The following SLCO4C1 variants were observed in gnomAD, a reference collection of about 807,000 sequenced individuals.
The protein encoded by SLCO4C1 is solute carrier organic anion transporter family member 4C1.
SLCO4C1 carries 58 observed loss-of-function variants against 72.1 expected under a neutral mutation model. The ratio of observed to expected loss-of-function variants is 0.80; its 90% CI spans 0.65 to 1.00. SLCO4C1 has a LOEUF of 1.00. Among genes scored for constraint, SLCO4C1 ranks in the 50% least tolerant of loss-of-function variants. The pLI is 0.00. For missense variants in SLCO4C1, 898 were observed against 857.9 expected, an observed-to-expected ratio of 1.05 and a Z score of -0.58; for synonymous variants, 297 against 312.5, an observed-to-expected ratio of 0.95 and a Z score of 0.52.
chr5:102,282,965 C>G (rs897697555), intron 2 of SLCO4C1, among the ~76,000 whole-genome samples: 1 of 151,730 alleles, frequency 6.6e-6, no homozygotes, highest in East Asian at 1.9e-4. Context: ...TGTTCAAAGT[C>G]AAAAAATTCA....
At chr5:102,282,247 T>C (rs1749371760) in intron 2 of SLCO4C1, among the ~76,000 whole-genome samples, 1 of 152,066 alleles carries the variant, frequency 6.6e-6, no homozygotes, top group African/African-American at 2.4e-5. Flanking sequence ...ACTTTTTATA[T>C]GTAAAAATTC....
At chr5:102,265,257 GTTTTA>G (rs1749015005) in intron 3 of SLCO4C1, among the ~76,000 whole-genome samples, 1 of 152,048 alleles carries the variant, frequency 6.6e-6, no homozygotes, top group Non-Finnish European at 1.5e-5. Flanking sequence ...AATTCCTCCT[GTTTTA>G]TAGGTTGTCT....
At chr5:102,243,502 G>GGA (rs1748584133) in intron 10 of SLCO4C1, among the ~76,000 whole-genome samples, 1 of 152,142 alleles carries the variant, frequency 6.6e-6, no homozygotes, top group African/African-American at 2.4e-5. Flanking sequence ...CAGAACAGAG[G>GGA]GAGAGAGACT....
chr5:102,249,849 G>C, intron 8 of SLCO4C1, 61 bp from the exon 9 acceptor site: 1 of 1,538,930 alleles, frequency 6.5e-7, no homozygotes, highest in Non-Finnish European at 8.9e-7. Context: ...TAACAATTTC[G>C]AAGCACTGTT....
In SLCO4C1 at chr5:102,249,806, A is replaced by G. The variant is rs759230934; in HGVS notation, c.1470-18T>C. On this transcript the variant is annotated intron_variant, in intron 8 of 12. Transcript: ENST00000310954. Reference sequence around the variant, plus strand: ...CTCCAGTCCTGTAAATAAGAAATGAAAGAAGGGTAAATGATCTGTCATAAC... The same window carrying G: ...CTCCAGTCCTGTAAATAAGAAATGAGAGAAGGGTAAATGATCTGTCATAAC... The G allele has an allele frequency of 1.2e-6, 2 of 1,609,626 alleles. No homozygotes were observed. Among genetic ancestry groups the G allele is most frequent in the Non-Finnish European group, 8.5e-7 (1 of 1,178,680 alleles).
Position 102,296,098 on chromosome 5 carries a change from G to A in SLCO4C1, c.165C>T (p.Pro55=). ...GCAGAGATGGCTCTGGTGACTTCTG[G>A]GGCTCCTGGGGCTTCTGAAGCTCCT... ...QPQELQKPQE[P]QKSPEPSLPS... Residue 55 remains proline, a synonymous_variant, in exon 1 of 13, where the codon CCC becomes CCT. Transcript: ENST00000310954. 1 of 1,614,068 alleles carries A rather than the reference G, an allele frequency of 6.2e-7. No homozygotes were observed. The highest frequency in any genetic ancestry group is 1.1e-5 in the South Asian group (1 of 91,078).
At chr5:102,278,588 A>G (rs1031104457) in intron 2 of SLCO4C1, among the ~76,000 whole-genome samples, 14 of 152,174 alleles carry the variant, frequency 9.2e-5, no homozygotes, top group African/African-American at 2.9e-4. Context: ...ATCCTGCGCC[A>G]TAGAGTAAAC....
rs922616036 is a variant in SLCO4C1 at position 102,258,312 on chromosome 5, A to G, written c.1129-225T>C. Among the ~76,000 whole-genome samples the G allele has an allele frequency of 3.9e-5, 6 of 152,304 alleles. No individual in the cohort carries two copies. The East Asian group carries it at 1.2e-3, about 29-fold the overall frequency. On this transcript the variant is annotated intron_variant, in intron 6 of 12. Transcript: ENST00000310954. ...TAGAAAATTGATAGATAATTCCTCAACATGGTGGTTATGCATTTATTGCAT... is the reference window on the plus strand; with the variant it reads ...TAGAAAATTGATAGATAATTCCTCAGCATGGTGGTTATGCATTTATTGCAT...
At chr5:102,272,710 C>T (rs951059076) in intron 2 of SLCO4C1, among the ~76,000 whole-genome samples, 3 of 152,072 alleles carry the variant, frequency 2.0e-5, no homozygotes, top group Non-Finnish European at 2.9e-5. Context: ...AATTCCAGTA[C>T]TTTGGAAGGA....
intron 3 of SLCO4C1, among the ~76,000 whole-genome samples, chr5:102,269,688 T>C (rs940643249): frequency 2.0e-5 from 3 of 152,152 alleles, no homozygotes; most frequent in African/African-American, 7.2e-5. Context: ...ATTTCACAGA[T>C]TTTTATTTTA....
rs35918245 is a variant in SLCO4C1, at chr5:102,236,581, CGT to C, written c.*275_*276del. 87,218 of 257,108 alleles carry C rather than the reference CGT, an allele frequency of 0.34. 9,978 individuals are homozygous for C. Among genetic ancestry groups the C allele is most frequent in the Non-Finnish European group, 0.39 (53,172 of 137,500 alleles). The allele number at this position is 257,108 out of a possible 1,614,324, so 15.9% of individuals were successfully genotyped here. A position where few individuals can be genotyped will look rare whatever the true frequency, so the allele number is the denominator to read the frequency against. On this transcript the variant is annotated 3_prime_UTR_variant, in exon 13 of 13. Transcript: ENST00000310954. The stretch of plus-strand genomic sequence containing the variant: ...AATAGGAAATAAGTGTGTATGTGTG[CGT>C]GTGTGTGTGTGTGTGTGTGTTCGTG...
chr5:102,253,536 G>A (rs1331357414), intron 8 of SLCO4C1, among the ~76,000 whole-genome samples: 1 of 152,104 alleles, frequency 6.6e-6, no homozygotes. Flanking sequence ...GCCAGGCACA[G>A]TGGCTCGCAC....
In SLCO4C1 at chr5:102,257,132, T is replaced by C; in HGVS notation, c.1452A>G (p.Val484=). Residue 484 remains valine, a synonymous_variant, in exon 8 of 13, where the codon GTA becomes GTG. Coordinates refer to ENST00000310954, the MANE Select transcript of SLCO4C1 (RefSeq NM_180991.5). ...GTATTTACCCATTATATGATTCAGATACACCAGCAAATGGCTCATTTTCAC... is the reference window on the plus strand; with the variant it reads ...GTATTTACCCATTATATGATTCAGACACACCAGCAAATGGCTCATTTTCAC... ...AKCENEPFAG[V]SESYNGTGEL... The C allele has an allele frequency of 6.3e-7, 1 of 1,591,188 alleles. No homozygotes were observed. Among genetic ancestry groups the C allele is most frequent in the Non-Finnish European group, 8.5e-7 (1 of 1,170,986 alleles).
At chr5:102,294,119 G>A (rs559952321) in intron 1 of SLCO4C1, among the ~76,000 whole-genome samples, 1 of 152,168 alleles carries the variant, frequency 6.6e-6, no homozygotes, top group Non-Finnish European at 1.5e-5. Flanking sequence ...GTGTTGGCCA[G>A]GCTGGTCTCG....
chr5:102,290,318 T>C (rs144599119), intron 2 of SLCO4C1, among the ~76,000 whole-genome samples: 133 of 152,314 alleles, frequency 8.7e-4, no homozygotes, highest in African/African-American at 3.1e-3. Context: ...TCCGAAATGA[T>C]TTTAGGCGTG....
chr5:102,260,197 A>G lies in SLCO4C1; in HGVS notation c.1128+16T>C, dbSNP rs1451222138. 15 of 1,068,904 alleles carry G rather than the reference A, an allele frequency of 1.4e-5. No individual in the cohort carries two copies. The highest frequency in any genetic ancestry group is 2.9e-5 in the Admixed American group (1 of 34,130). 66.2% of individuals were successfully genotyped at this position (1,068,904 alleles called of 1,614,324 possible). ...GTATGAGACTGAGAGAGAGACAGAGAAGAATTTTATTTTACCTTTAGAGCA... is the reference window on the plus strand; with the variant it reads ...GTATGAGACTGAGAGAGAGACAGAGGAGAATTTTATTTTACCTTTAGAGCA... On this transcript the variant is annotated intron_variant, in intron 6 of 12. Transcript: ENST00000310954.
At chr5:102,283,999 T>G (rs1185199965) in intron 2 of SLCO4C1, among the ~76,000 whole-genome samples, 1 of 152,196 alleles carries the variant, frequency 6.6e-6, no homozygotes, top group East Asian at 1.9e-4. Context: ...CATTTTAGCT[T>G]CCTTTTCACA....
At chr5:102,280,090 C>CAAAAAAAAAAAAAAAAAAA (rs36217271) in intron 2 of SLCO4C1, among the ~76,000 whole-genome samples, 4 of 68,844 alleles carry the variant, frequency 5.8e-5, no homozygotes, top group Non-Finnish European at 1.1e-4. Flanking sequence ...TGCAATAAGG[C>CAAAAAAAAAAAAAAAAAAA]AAAAAAAAAA....
intron 1 of SLCO4C1, among the ~76,000 whole-genome samples, chr5:102,295,495 T>C (rs1561384907): frequency 6.6e-6 from 1 of 152,186 alleles, no homozygotes; most frequent in Non-Finnish European, 1.5e-5. Context: ...CTCCTTCCCC[T>C]GAGGCAATGA....
Sources: allele counts gnomAD v4.1 joint callset (sites outside exome capture counted in the v4.1 genomes callset), GRCh38; gene constraint gnomAD v4.1.1; transcripts MANE v1.5; gene names NCBI Gene and HGNC (gene_info 2026-07-23, HGNC 2026-07-21).